Variants in ZNF90 observed in about 807,000 individuals in gnomAD.
ZNF90 encodes zinc finger protein HTF9.
ZNF90 carries 11 observed loss-of-function variants against 12.0 expected under a neutral mutation model. The observed-to-expected ratio is 0.92, with a 90% CI of 0.58 to 1.52. The LOEUF (loss-of-function observed/expected upper bound fraction) is 1.52. Among genes scored for constraint, ZNF90 ranks in the 40% most tolerant of loss-of-function variants. The pLI, the probability that ZNF90 is intolerant of heterozygous loss-of-function variation, is 0.00. For synonymous variants in ZNF90, 232 were observed against 240.1 expected (o/e 0.97, Z 0.31); for missense variants, 765 against 711.5 (o/e 1.08, Z -0.86).
In ZNF90 at chr19:20,118,121, T is replaced by C. The variant is rs370922021; in HGVS notation, c.567T>C (p.Ala189=). 6.2e-6 allele frequency: 10 copies of C among 1,613,520 alleles called. No individual in the cohort carries two copies. In the African/African-American group the frequency reaches 1.3e-4, roughly 22 times the overall value. Residue 189 remains alanine (A), a synonymous_variant, in exon 4 of 4, where the codon GCT becomes GCC. Transcript: ENST00000418063. Reference sequence around the variant, plus strand: ...CTTTCAACCAGTCCTCAACCCTTGCTACACATAAGAAAATTCATACTGGAG... The same window carrying C: ...CTTTCAACCAGTCCTCAACCCTTGCCACACATAAGAAAATTCATACTGGAG... ...GKAFNQSSTL[A]THKKIHTGEI...
intron 1 of ZNF90, among the ~76,000 whole-genome samples, chr19:20,096,807 G>T (rs142157630): frequency 0.012 from 1,762 of 152,298 alleles, 17 homozygotes; most frequent in South Asian, 0.033. Context: ...AAGCAAGCAG[G>T]AGTGCTGTAG....
At chr19:20,080,601 T>G (rs1054523649) in intron 1 of ZNF90, 2 of 191,132 alleles carry the variant, frequency 1.0e-5, no homozygotes, top group Non-Finnish European at 2.2e-5. Flanking sequence ...TCCATTTGGC[T>G]TTTCCTGGGC....
At chr19:20,107,629 T>G (rs1270854746) in intron 3 of ZNF90, among the ~76,000 whole-genome samples, 2 of 152,234 alleles carry the variant, frequency 1.3e-5, no homozygotes, top group Non-Finnish European at 2.9e-5. Context: ...AAGGCATTTT[T>G]GTCAGGGATG....
intron 1 of ZNF90, among the ~76,000 whole-genome samples, chr19:20,082,010 C>T (rs975196067): frequency 2.0e-5 from 3 of 151,916 alleles, no homozygotes; most frequent in African/African-American, 4.8e-5. Context: ...GTGATCCACC[C>T]GCCTCGGCCT....
At chr19:20,093,306 G>A (rs1555702933) in intron 1 of ZNF90, among the ~76,000 whole-genome samples, 3 of 152,234 alleles carry the variant, frequency 2.0e-5, no homozygotes, top group Non-Finnish European at 2.9e-5. Context: ...AGCCCATGCT[G>A]TAGCAGGTGA....
intron 3 of ZNF90, among the ~76,000 whole-genome samples, chr19:20,106,598 C>T (rs546837095): frequency 1.5e-4 from 23 of 152,300 alleles, no homozygotes; most frequent in Admixed American, 3.3e-4. Context: ...GGACTACAGG[C>T]ACCCGCCACC....
At chr19:20,085,764 GT>G (rs2088854647) in intron 1 of ZNF90, among the ~76,000 whole-genome samples, 1 of 151,816 alleles carries the variant, frequency 6.6e-6, no homozygotes, top group South Asian at 2.1e-4. Flanking sequence ...ATTTTTCTTT[GT>G]TTTATTGAAA....
At chr19:20,091,441 A>G (rs527536078) in intron 1 of ZNF90, among the ~76,000 whole-genome samples, 18 of 152,294 alleles carry the variant, frequency 1.2e-4, no homozygotes, top group African/African-American at 4.3e-4. Flanking sequence ...CTGGAAGAAG[A>G]TATTTTCCTT....
chr19:20,094,811 G>A (rs2088930047), intron 1 of ZNF90, among the ~76,000 whole-genome samples: 1 of 152,166 alleles, frequency 6.6e-6, no homozygotes, highest in African/African-American at 2.4e-5. Context: ...TGATGAGAAA[G>A]AGCCTAAACA....
At chr19:20,085,268 C>CTTTTTTTTTTCTT (rs56068843) in intron 1 of ZNF90, among the ~76,000 whole-genome samples, 1 of 135,572 alleles carries the variant, frequency 7.4e-6, no homozygotes, top group African/African-American at 2.9e-5. Context: ...TTGCATTGGT[C>CTTTTTTTTTTCTT]TTTTTTTTTT....
chr19:20,094,078 C>G (rs782667998), intron 1 of ZNF90, among the ~76,000 whole-genome samples: 12 of 152,174 alleles, frequency 7.9e-5, no homozygotes, highest in Non-Finnish European at 1.6e-4. Flanking sequence ...ATTTCTGGCA[C>G]TTGAAGCAAG....
intron 3 of ZNF90, among the ~76,000 whole-genome samples, chr19:20,110,939 T>C (rs1188830221): frequency 1.3e-5 from 2 of 152,234 alleles, no homozygotes; most frequent in Non-Finnish European, 2.9e-5. Context: ...TCACATGTAA[T>C]TTGCAAATGT....
At chr19:20,104,433 T>G in intron 2 of ZNF90, 68 bp downstream of exon 2, 8 of 1,517,474 alleles carry the variant, frequency 5.3e-6, no homozygotes, top group Non-Finnish European at 6.2e-6. Flanking sequence ...TTTTGTGGAA[T>G]GATTTTTAGT....
Position 20,116,080 on chromosome 19 carries a change from C to T in ZNF90, c.227-1701C>T, listed in dbSNP as rs564138360. ...TACAGACAGGGTTTCACCATGTTGG[C>T]TATGCTGACCTTGAACTCCTGACCT... On this transcript the variant is annotated intron_variant, in intron 3 of 3. Coordinates refer to ENST00000418063, the MANE Select transcript of ZNF90 (RefSeq NM_007138.2). Among the ~76,000 whole-genome samples, 5 of 152,272 alleles carry T rather than the reference C, an allele frequency of 3.3e-5. No homozygotes were observed. In the South Asian group the frequency reaches 1.0e-3, roughly 32 times the overall value.
chr19:20,114,400 C>T (rs1200730136), intron 3 of ZNF90, among the ~76,000 whole-genome samples: 2 of 152,170 alleles, frequency 1.3e-5, no homozygotes, highest in Non-Finnish European at 1.5e-5. Context: ...TAAACAACTA[C>T]CAATTCTTCC....
chr19:20,086,354 C>A (rs1555702045), intron 1 of ZNF90, among the ~76,000 whole-genome samples: 2 of 151,250 alleles, frequency 1.3e-5, no homozygotes, highest in Non-Finnish European at 2.9e-5. Context: ...CCTGCCTCAG[C>A]CTCCAGAATA....
chr19:20,108,558 C>T (rs2089059206), intron 3 of ZNF90, among the ~76,000 whole-genome samples: 1 of 152,058 alleles, frequency 6.6e-6, no homozygotes, highest in Non-Finnish European at 1.5e-5. Context: ...CTCATGTGAT[C>T]CACTGGCCTT....
At chr19:20,082,275 A>G (rs73536230) in intron 1 of ZNF90, among the ~76,000 whole-genome samples, 10,563 of 152,074 alleles carry the variant, frequency 0.069, 1,057 homozygotes, top group African/African-American at 0.22. Flanking sequence ...TGTTGTGTTC[A>G]TGTGTTCTTA....
At chr19:20,081,650 CAG>C (rs2088820152) in intron 1 of ZNF90, among the ~76,000 whole-genome samples, 1 of 152,224 alleles carries the variant, frequency 6.6e-6, no homozygotes, top group Admixed American at 6.5e-5. Flanking sequence ...TGCATGCATA[CAG>C]AAATAAATCA....
Sources: allele counts gnomAD v4.1 joint callset (sites outside exome capture counted in the v4.1 genomes callset), GRCh38; gene constraint gnomAD v4.1.1; transcripts MANE v1.5; gene names NCBI Gene and HGNC (gene_info 2026-07-23, HGNC 2026-07-21).